Variants in PRDM5 observed in about 807,000 individuals in gnomAD.
The protein encoded by PRDM5 is PR domain zinc finger protein 5.
Under a neutral mutation model 81.2 loss-of-function variants are expected in PRDM5, and 56 were observed. That is an observed-to-expected ratio of 0.69 (90% CI 0.56 to 0.86). The LOEUF (loss-of-function observed/expected upper bound fraction) is 0.86, where lower values mean the gene tolerates loss of function less well. Ranked by LOEUF, PRDM5 falls within the 40% of genes least tolerant of loss-of-function variation. PRDM5 has a pLI of 0.00. For missense variants in PRDM5, 697 were observed against 770.1 expected (o/e 0.91, Z 1.12); for synonymous variants, 267 against 256.4 (o/e 1.04, Z -0.39).
At chr4:120,909,619 A>AG (rs1766252008) in intron 1 of PRDM5, among the ~76,000 whole-genome samples, 1 of 146,030 alleles carries the variant, frequency 6.8e-6, no homozygotes, top group Admixed American at 7.0e-5. Flanking sequence ...ACAAATTTGG[A>AG]GGGGAAAAAA....
intron 8 of PRDM5, among the ~76,000 whole-genome samples, chr4:120,808,150 G>A (rs1310641783): frequency 6.6e-6 from 1 of 152,158 alleles, no homozygotes; most frequent in African/African-American, 2.4e-5. Flanking sequence ...ACCTGAGCGG[G>A]TTGCCACTGC....
chr4:120,701,148 C>CA (rs140302851), intron 15 of PRDM5, among the ~76,000 whole-genome samples: 6,668 of 138,452 alleles, frequency 0.048, 262 homozygotes, highest in African/African-American at 0.12. Flanking sequence ...AAAAAACAAA[C>CA]AAAAAAAAAA....
At chr4:120,881,370 C>G (rs1762825831) in intron 2 of PRDM5, among the ~76,000 whole-genome samples, 2 of 152,156 alleles carry the variant, frequency 1.3e-5, no homozygotes, top group African/African-American at 4.8e-5. Flanking sequence ...TTTAATAGTT[C>G]CACAAATTGG....
chr4:120,886,036 A>G (rs1209451464), intron 2 of PRDM5, among the ~76,000 whole-genome samples: 2 of 152,234 alleles, frequency 1.3e-5, no homozygotes, highest in East Asian at 3.8e-4. Context: ...CACAAAACAC[A>G]GAACTTCCAG....
At chr4:120,772,817 A>G (rs1578675091) in intron 13 of PRDM5, among the ~76,000 whole-genome samples, 1 of 152,198 alleles carries the variant, frequency 6.6e-6, no homozygotes, top group African/African-American at 2.4e-5. Context: ...AACTACTTTC[A>G]TAATATTACT....
In PRDM5 at chr4:120,880,047, C is replaced by T. The variant is rs571642870; in HGVS notation, c.178-26507G>A. On this transcript the variant is annotated intron_variant, in intron 2 of 15. Coordinates refer to ENST00000264808, the MANE Select transcript of PRDM5 (RefSeq NM_018699.4). ...CAATAATAATGTATCAATATTGGTT[C>T]ATCAAATGTAACAAGTGTACTGCAC... Among the ~76,000 whole-genome samples the T allele has an allele frequency of 2.6e-5, 4 of 152,106 alleles. No homozygotes were observed. The South Asian group carries it at 8.3e-4, about 32-fold the overall frequency.
intron 2 of PRDM5, among the ~76,000 whole-genome samples, chr4:120,879,269 T>C (rs1380816506): frequency 6.6e-6 from 1 of 152,224 alleles, no homozygotes; most frequent in African/African-American, 2.4e-5. Flanking sequence ...TTAATGCATA[T>C]TTCTAATTGA....
chr4:120,800,626 A>G (rs536451999), intron 8 of PRDM5, among the ~76,000 whole-genome samples: 6 of 152,260 alleles, frequency 3.9e-5, no homozygotes, highest in African/African-American at 1.2e-4. Context: ...AACTCTAAAG[A>G]TCTAATGTAT....
Position 120,790,118 on chromosome 4 carries a change from T to C in PRDM5, c.1189-5027A>G, listed in dbSNP as rs188379922. Among the ~76,000 whole-genome samples, 50 of 152,336 alleles carry C rather than the reference T, an allele frequency of 3.3e-4. 2 individuals are homozygous for C. In the East Asian group the frequency reaches 8.3e-3, roughly 25 times the overall value. The stretch of plus-strand genomic sequence containing the variant: ...CGACACTGGTAAGAGCCATAACTCA[T>C]GTCTCTAATTAAGGACGCTTCTCAC... On this transcript the variant is annotated intron_variant, in intron 10 of 15. Transcript: ENST00000264808.
chr4:120,879,970 A>C (rs753926177), intron 2 of PRDM5, among the ~76,000 whole-genome samples: 10 of 152,170 alleles, frequency 6.6e-5, no homozygotes, highest in Non-Finnish European at 1.5e-4. Context: ...ATCTGTCAGA[A>C]CCCATAGAAT....
intron 11 of PRDM5, among the ~76,000 whole-genome samples, chr4:120,783,244 A>G (rs1339662762): frequency 2.0e-5 from 3 of 152,042 alleles, no homozygotes; most frequent in African/African-American, 7.2e-5. Context: ...TCACTAACTG[A>G]TATCTAACTT....
chr4:120,837,528 C>G (rs1184585467), intron 3 of PRDM5: 1 of 152,112 alleles, frequency 6.6e-6, no homozygotes, highest in Non-Finnish European at 1.5e-5. Flanking sequence ...TAACATTATT[C>G]CAACCAATGT....
At position 120,799,755 on chromosome 4, in the gene PRDM5, G is replaced by A. The variant is rs920954730; in HGVS notation, c.946-10C>T. 1 of 1,610,592 alleles carries A rather than the reference G, an allele frequency of 6.2e-7. No homozygotes were observed. Among genetic ancestry groups the A allele is most frequent in the Non-Finnish European group, 8.5e-7 (1 of 1,178,294 alleles). On this transcript the variant is annotated splice_polypyrimidine_tract_variant and intron_variant, in intron 8 of 15. Transcript: ENST00000264808. Reference sequence around the variant, plus strand: ...CAAATATCTCATGAATCTGCAAAAGGTTAAATAGACAGTTAAATCAACTGT... The same window carrying A: ...CAAATATCTCATGAATCTGCAAAAGATTAAATAGACAGTTAAATCAACTGT...
intron 15 of PRDM5, among the ~76,000 whole-genome samples, chr4:120,709,184 T>C (rs1294331824): frequency 6.6e-6 from 1 of 152,172 alleles, no homozygotes; most frequent in Non-Finnish European, 1.5e-5. Context: ...TAGCATTTAA[T>C]TTCTGGGCTG....
chr4:120,738,757 T>C lies in PRDM5; in HGVS notation c.1623+15796A>G, dbSNP rs182819060. ...CCATAAATGTTTATCATTTAAAATA[T>C]AGAAGAATATTACACAATTAAAATT... On this transcript the variant is annotated intron_variant, in intron 14 of 15. Transcript: ENST00000264808. 5.4e-4 allele frequency among the ~76,000 whole-genome samples: 83 copies of C among 152,350 alleles called. 1 individual carries two copies. The highest frequency in any genetic ancestry group is 1.9e-3 in the African/African-American group (81 of 41,576).
At chr4:120,896,568 A>G (rs1764636773) in intron 2 of PRDM5, 1 of 151,722 alleles carries the variant, frequency 6.6e-6, no homozygotes, top group Non-Finnish European at 1.5e-5. Context: ...AGTTTGTTAC[A>G]TTTTTGTTCT....
At chr4:120,819,639 G>T (rs1755006078) in intron 4 of PRDM5, among the ~76,000 whole-genome samples, 1 of 151,968 alleles carries the variant, frequency 6.6e-6, no homozygotes, top group Admixed American at 6.5e-5. Context: ...AATGAAAACT[G>T]GTATTTTAAT....
At chr4:120,807,783 A>G (rs984970061) in intron 8 of PRDM5, among the ~76,000 whole-genome samples, 4 of 152,122 alleles carry the variant, frequency 2.6e-5, no homozygotes, top group African/African-American at 9.7e-5. Flanking sequence ...TTCAGGAGTG[A>G]AGCTGCAGAC....
intron 10 of PRDM5, among the ~76,000 whole-genome samples, chr4:120,790,686 T>C (rs1750434610): frequency 6.6e-6 from 1 of 152,210 alleles, no homozygotes; most frequent in African/African-American, 2.4e-5. Flanking sequence ...GCAAATAGTT[T>C]TCTACATAAC....
Sources: gnomAD v4.1 joint callset for allele counts (sites outside exome capture counted in the v4.1 genomes callset) on GRCh38, gnomAD v4.1.1 for gene constraint, MANE v1.5 for transcripts, NCBI Gene and HGNC (gene_info 2026-07-23, HGNC 2026-07-21) for gene names.